The following NAPA variants were observed in gnomAD, a reference collection of about 807,000 sequenced individuals.
The protein encoded by NAPA is NSF attachment protein alpha, also known as alpha-soluble NSF attachment protein.
In NAPA, 18 loss-of-function variants were observed where a neutral mutation model predicts 48.0. That is an observed-to-expected ratio of 0.38 (90% CI 0.26 to 0.56). The LOEUF is 0.56. Ranked by LOEUF, NAPA falls within the 20% of genes least tolerant of loss-of-function variation. NAPA has a pLI of 0.77. For missense variants in NAPA, 315 were observed against 385.0 expected (o/e 0.82, Z 1.52); for synonymous variants, 152 against 149.9 (o/e 1.01, Z -0.10).
At chr19:47,485,395 C>T (rs968349709), downstream of NAPA, among the ~76,000 whole-genome samples, 2 of 152,164 alleles carry the variant, frequency 1.3e-5, no homozygotes, top group Admixed American at 6.5e-5. Flanking sequence ...CAGGTGTTTC[C>T]GACTCTGGGG....
chr19:47,515,053 C>A lies in NAPA; in HGVS notation c.-113G>T. ...AACTCGCCCGGCTGCGTTGACGTCG[C>A]ACCGGCGCGCGTCGCTTGCGGCCAG... On this transcript the variant is annotated 5_prime_UTR_variant, in exon 1 of 11. Coordinates refer to ENST00000263354, the MANE Select transcript of NAPA (RefSeq NM_003827.4). 1 of 1,091,344 alleles carries A rather than the reference C, an allele frequency of 9.2e-7. No homozygotes were observed. The highest frequency in any genetic ancestry group is 2.5e-5 in the Admixed American group (1 of 40,264). 67.6% of individuals were successfully genotyped at this position (1,091,344 alleles called of 1,614,324 possible). A position where few individuals can be genotyped will look rare whatever the true frequency, so the allele number is the denominator to read the frequency against.
In NAPA at chr19:47,514,879, A is replaced by T. The variant is rs764438128; in HGVS notation, c.62T>A (p.Val21Glu). Residue 21 changes from valine (V) to glutamate (E), a missense_variant, in exon 1 of 11, where the codon GTG becomes GAG. Val to Glu is a moderately radical substitution (Grantham distance 121). Transcript: ENST00000263354. ...AGAGAAGAAGGACTGCGAGTTCTTC[A>T]CTTTGCGCTCCGCCTCGGCCAACAG... is the stretch of plus-strand genomic sequence containing the variant. ...MALLAEAERK[V>E]KNSQSFFSGL... The T allele has an allele frequency of 5.6e-6, 9 of 1,613,724 alleles. No individual in the cohort carries two copies. The South Asian group carries it at 9.9e-5, about 18-fold the overall frequency.
intron 1 of NAPA, among the ~76,000 whole-genome samples, chr19:47,510,374 C>T (rs938773012): frequency 3.9e-5 from 6 of 152,236 alleles, no homozygotes; most frequent in African/African-American, 1.4e-4. Flanking sequence ...AGAACACCCT[C>T]TGCCACCTAT....
chr19:47,486,609 G>A (rs78408200), downstream of NAPA, among the ~76,000 whole-genome samples: 826 of 152,278 alleles, frequency 5.4e-3, 5 homozygotes, highest in Non-Finnish European at 9.4e-3. Context: ...CCCCAAGTCT[G>A]GATACTTTTA....
chr19:47,493,182 G>A lies in NAPA; in HGVS notation c.421-8C>T. On this transcript the variant is annotated splice_region_variant and splice_polypyrimidine_tract_variant and intron_variant, in intron 5 of 10. Transcript: ENST00000263354. The surrounding 1 kb of genome is among the most constrained non-coding windows in gnomAD (Gnocchi z 6.4). ...CTCGTAGTGGGCAATGGCCTGGGGAGACACGGGGGATGGGTTCCAGGGGAG... is the reference window on the plus strand; with the variant it reads ...CTCGTAGTGGGCAATGGCCTGGGGAAACACGGGGGATGGGTTCCAGGGGAG... 1.9e-6 allele frequency: 3 copies of A among 1,581,692 alleles called. No homozygotes were observed. Among genetic ancestry groups the A allele is most frequent in the Non-Finnish European group, 2.6e-6 (3 of 1,161,108 alleles).
intron 9 of NAPA, 138 bp downstream of exon 9, chr19:47,490,650 C>CAAAACAA (rs2122725941): frequency 4.3e-6 from 3 of 690,184 alleles, no homozygotes; most frequent in African/African-American, 2.0e-5. Context: ...AATGGCCAAA[C>CAAAACAA]AAAACAAAAC....
chr19:47,492,930 G>A (rs1289885266), intron 7 of NAPA, 31 bp downstream of exon 7: 1 of 1,609,780 alleles, frequency 6.2e-7, no homozygotes, highest in Admixed American at 1.7e-5. Context: ...GAGGGGGCAG[G>A]GTGGAAGCCG....
intron 1 of NAPA, among the ~76,000 whole-genome samples, chr19:47,503,751 G>A (rs1224713939): frequency 2.0e-5 from 3 of 152,138 alleles, no homozygotes; most frequent in African/African-American, 4.8e-5. Context: ...GTAGTGGGGC[G>A]AAGAGTTCCT....
At chr19:47,496,834 G>A (rs1968437837) in intron 3 of NAPA, 1 of 455,858 alleles carries the variant, frequency 2.2e-6, no homozygotes, top group African/African-American at 2.0e-5. Context: ...TGTAAACAGT[G>A]GGGTCCATAA....
Position 47,495,641 on chromosome 19 carries a change from G to A in NAPA, c.296-45C>T, listed in dbSNP as rs753201669. ...GGAGGAGACATGAGAAAGTGAAGTC[G>A]TTTCAGCAGAAGCTGAGGAGAGGAG... On this transcript the variant is annotated intron_variant, in intron 3 of 10. Coordinates refer to ENST00000263354, the MANE Select transcript of NAPA (RefSeq NM_003827.4). The A allele has an allele frequency of 5.6e-6, 9 of 1,597,672 alleles. No homozygotes were observed. In the East Asian group the frequency reaches 6.7e-5, roughly 12 times the overall value.
At position 47,488,270 on chromosome 19, in the gene NAPA, TG is replaced by T. The variant is rs1323309854; in HGVS notation, c.*17del. 1.3e-5 allele frequency: 21 copies of T among 1,600,022 alleles called. No homozygotes were observed. Among genetic ancestry groups the T allele is most frequent in the Admixed American group, 1.7e-5 (1 of 59,720 alleles). ...GCAGATGGGACAGGAAGACGGGCAC[TG>T]GGGGGCTGGGTGGGGCTTAGCGCAG... On this transcript the variant is annotated 3_prime_UTR_variant, in exon 11 of 11. Transcript: ENST00000263354.
At chr19:47,498,355 C>A (rs527627272) in intron 3 of NAPA, among the ~76,000 whole-genome samples, 1 of 152,204 alleles carries the variant, frequency 6.6e-6, no homozygotes, top group Non-Finnish European at 1.5e-5. Context: ...CCAGGGCAGG[C>A]AGGGGCCCCT....
chr19:47,509,334 TAAAATAAAATA>T (rs1248243371), intron 1 of NAPA, among the ~76,000 whole-genome samples: 1 of 80,194 alleles, frequency 1.2e-5, no homozygotes, highest in Admixed American at 1.3e-4. Context: ...TAAAATAAAA[TAAAATAAAATA>T]AAATAAATAA....
chr19:47,503,419 A>G lies in NAPA; in HGVS notation c.178+4T>C, dbSNP rs1423084159. 2.5e-6 allele frequency: 4 copies of G among 1,612,502 alleles called. No homozygotes were observed. The highest frequency in any genetic ancestry group is 1.3e-5 in the African/African-American group (1 of 75,006). ...TTGGAGGAGCTCTAGCGGAGATGAC[A>G]TACCACTCCAGTTTTTGGCCATTTT... is the stretch of plus-strand genomic sequence containing the variant. On this transcript the variant is annotated splice_donor_region_variant and intron_variant, in intron 2 of 10. Transcript: ENST00000263354.
At position 47,500,238 on chromosome 19, in the gene NAPA, C is replaced by CT. The variant is rs533246418; in HGVS notation, c.295+394dup. Among the ~76,000 whole-genome samples, 7 of 152,342 alleles carry CT rather than the reference C, an allele frequency of 4.6e-5. No homozygotes were observed. The South Asian group carries it at 1.4e-3, about 32-fold the overall frequency. ...TTTTTCGGCAGCAACTCCTACCTGG[C>CT]TGGTCTCAGAATCCTCCCCGCCCCC... is the stretch of plus-strand genomic sequence containing the variant. On this transcript the variant is annotated intron_variant, in intron 3 of 10. Transcript: ENST00000263354.
rs200536133 is a variant in NAPA at position 47,490,769 on chromosome 19, C to T, written c.735+19G>A. The stretch of plus-strand genomic sequence containing the variant: ...GTCTGAGGTTCGGGAAGGGGGAGGC[C>T]GGAGCACCCAGCACTTACTTTCATC... On this transcript the variant is annotated intron_variant, in intron 9 of 10. Coordinates refer to ENST00000263354, the MANE Select transcript of NAPA (RefSeq NM_003827.4). 6.1e-5 allele frequency: 98 copies of T among 1,611,092 alleles called. No homozygotes were observed. The highest frequency in any genetic ancestry group is 1.5e-4 in the Admixed American group (9 of 59,754).
At chr19:47,485,164 G>T (rs1043972414), downstream of NAPA, among the ~76,000 whole-genome samples, 1 of 152,126 alleles carries the variant, frequency 6.6e-6, no homozygotes, top group Non-Finnish European at 1.5e-5. Flanking sequence ...TGTTCTGCAA[G>T]GGCCTACTGT....
In NAPA at chr19:47,489,836, C is replaced by T. The variant is rs370718217; in HGVS notation, c.736-75G>A. 135 of 1,513,094 alleles carry T rather than the reference C, an allele frequency of 8.9e-5. No homozygotes were observed. The East Asian group carries it at 9.9e-4, about 11-fold the overall frequency. 93.7% of individuals were successfully genotyped at this position (1,513,094 alleles called of 1,614,324 possible). ...CTGGCCTGGATTAGATGAAAGGACA[C>T]GCTATCTGTATGCCAGGCCTGGGGC... On this transcript the variant is annotated intron_variant, in intron 9 of 10. Coordinates refer to ENST00000263354, the MANE Select transcript of NAPA (RefSeq NM_003827.4).
At chr19:47,500,523 CAT>C in intron 3 of NAPA, 108 bp downstream of exon 3, 2 of 819,498 alleles carry the variant, frequency 2.4e-6, no homozygotes, top group South Asian at 2.0e-5. Flanking sequence ...CAGCCTATCA[CAT>C]GTCGGCCACT....
Sources: gnomAD v4.1 joint callset for allele counts (sites outside exome capture counted in the v4.1 genomes callset) on GRCh38, gnomAD v4.1.1 for gene constraint, Gnocchi (gnomAD v3.1) non-coding constraint, MANE v1.5 for transcripts, NCBI Gene and HGNC (gene_info 2026-07-23, HGNC 2026-07-21) for gene names.